Variants in ZDBF2 observed in about 807,000 individuals in gnomAD.
ZDBF2 encodes zinc finger DBF-type containing 2.
ZDBF2 carries 6 observed loss-of-function variants against 9.4 expected under a neutral mutation model. That is an observed-to-expected ratio of 0.64 (90% CI 0.35 to 1.27). The LOEUF is 1.27. Among genes scored for constraint, ZDBF2 ranks in the 50% most tolerant of loss-of-function variants. ZDBF2 has a pLI of 0.03. For synonymous variants in ZDBF2, 905 were observed against 946.3 expected, an observed-to-expected ratio of 0.96 and a Z score of 0.80; for missense variants, 2,697 against 2,766.8, an observed-to-expected ratio of 0.97 and a Z score of 0.57.
intron 4 of ZDBF2, among the ~76,000 whole-genome samples, chr2:206,297,901 G>C (rs1692281312): frequency 6.6e-6 from 1 of 152,066 alleles, no homozygotes; most frequent in Non-Finnish European, 1.5e-5. Flanking sequence ...GGCTGGTCTC[G>C]AATTCCCGAC....
intron 2 of ZDBF2, 123 bp from the exon 3 acceptor site, chr2:206,281,678 G>A: frequency 1.7e-6 from 1 of 587,462 alleles, no homozygotes; most frequent in Non-Finnish European, 3.0e-6. Context: ...AGTGGCTCAT[G>A]GCAGCCTTGT....
chr2:206,303,035 A>T (rs1692583227), intron 4 of ZDBF2, among the ~76,000 whole-genome samples: 1 of 152,124 alleles, frequency 6.6e-6, no homozygotes, highest in Non-Finnish European at 1.5e-5. Flanking sequence ...TATATTTGTT[A>T]TAAGTAATGA....
intron 3 of ZDBF2, among the ~76,000 whole-genome samples, chr2:206,289,358 A>G (rs1009926975): frequency 6.6e-6 from 1 of 152,092 alleles, no homozygotes; most frequent in African/African-American, 2.4e-5. Context: ...TGCTACTTCA[A>G]CCTAGGCACT....
At chr2:206,277,729 C>CAAAAAAAAAA (rs5838017) in intron 1 of ZDBF2, among the ~76,000 whole-genome samples, 1 of 104,964 alleles carries the variant, frequency 9.5e-6, no homozygotes, top group African/African-American at 3.7e-5. Context: ...CTAATCTGTC[C>CAAAAAAAAAA]AAAAAAAAAA....
intron 4 of ZDBF2, 21 bp from the exon 5 acceptor site, chr2:206,304,696 G>A (rs200556289): frequency 5.4e-5 from 85 of 1,580,184 alleles, no homozygotes; most frequent in Non-Finnish European, 6.9e-5. Flanking sequence ...ATGTTTATGA[G>A]TTTCCCCCCT....
At chr2:206,301,818 G>T (rs1692514484) in intron 4 of ZDBF2, among the ~76,000 whole-genome samples, 1 of 151,416 alleles carries the variant, frequency 6.6e-6, no homozygotes, top group Non-Finnish European at 1.5e-5. Context: ...CTTTTTATGG[G>T]GGCAATTTGG....
intron 2 of ZDBF2, among the ~76,000 whole-genome samples, chr2:206,280,959 T>G (rs1238211132): frequency 6.6e-6 from 1 of 152,178 alleles, no homozygotes; most frequent in African/African-American, 2.4e-5. Context: ...CTGCATTAAA[T>G]TTTTTACTTA....
At position 206,309,692 on chromosome 2, in the gene ZDBF2, C is replaced by T; in HGVS notation, c.5164C>T (p.Arg1722Ter). The T allele has an allele frequency of 1.2e-6, 2 of 1,613,724 alleles. No individual in the cohort carries two copies. The highest frequency in any genetic ancestry group is 1.1e-5 in the South Asian group (1 of 91,064). The stretch of plus-strand genomic sequence containing the variant: ...TGCCTCTTCCAAGTCAGCGCTCCAT[C>T]GAAGGGCTGATAAAAAAAAACGTTC... ...FGASSKSALH[R>*]RADKKKRSKL... The change falls in exon 5 of 5, where the codon CGA becomes TGA. Residue 1722 changes from arginine to a stop codon, truncating the protein, a stop_gained. Coordinates refer to ENST00000374423, the MANE Select transcript of ZDBF2 (RefSeq NM_020923.3). LOFTEE classifies it low-confidence loss of function (END_TRUNC).
rs1189754953 is a variant in ZDBF2 at position 206,311,076 on chromosome 2, CTAG to C, written c.6554_6556del (p.Ser2185del). On this transcript the variant is annotated inframe_deletion, in exon 5 of 5. Coordinates refer to ENST00000374423, the MANE Select transcript of ZDBF2 (RefSeq NM_020923.3). Reference sequence around the variant, plus strand: ...AAAATTCATGGAAAGAGGGTGACAACTAGTAGTAATAAGCTAGGTTTTCCCAAA... The same window carrying C: ...AAAATTCATGGAAAGAGGGTGACAACTAGTAATAAGCTAGGTTTTCCCAAA... 4 of 1,612,764 alleles carry C rather than the reference CTAG, an allele frequency of 2.5e-6. No individual in the cohort carries two copies. Among genetic ancestry groups the C allele is most frequent in the Non-Finnish European group, 3.4e-6 (4 of 1,179,682 alleles).
Position 206,307,614 on chromosome 2 carries a change from T to C in ZDBF2, c.3086T>C (p.Leu1029Pro). 2.5e-6 allele frequency: 4 copies of C among 1,612,416 alleles called. No individual in the cohort carries two copies. The highest frequency in any genetic ancestry group is 3.4e-6 in the Non-Finnish European group (4 of 1,179,320). ...NKINRKKQYVLENKNDKCSGS... is the reference protein window; with the variant it reads ...NKINRKKQYVPENKNDKCSGS... ...ATAAACAGAAAGAAGCAATATGTTCTAGAAAACAAGAATGATAAATGTAGT... is the reference window on the plus strand; with the variant it reads ...ATAAACAGAAAGAAGCAATATGTTCCAGAAAACAAGAATGATAAATGTAGT... The change falls in exon 5 of 5, where the codon CTA (leucine) becomes CCA (proline). Residue 1029 changes from leucine to proline, a missense_variant. By Grantham distance (98) the Leu-to-Pro change is moderately conservative. This residue lies in a region of ZDBF2 where 1,783 missense variants were observed against 1,776.5 expected (regional missense o/e 1.00). Coordinates refer to ENST00000374423, the MANE Select transcript of ZDBF2 (RefSeq NM_020923.3).
intron 3 of ZDBF2, among the ~76,000 whole-genome samples, chr2:206,286,697 T>G (rs147184667): frequency 1.3e-5 from 2 of 152,220 alleles, no homozygotes; most frequent in African/African-American, 2.4e-5. Flanking sequence ...TTCCCAGCCA[T>G]CTATATGTGT....
chr2:206,292,916 A>G (rs987948956), intron 3 of ZDBF2, among the ~76,000 whole-genome samples: 2 of 152,134 alleles, frequency 1.3e-5, no homozygotes, highest in African/African-American at 2.4e-5. Flanking sequence ...TATTTATCCA[A>G]TGTAATTTCA....
intron 2 of ZDBF2, among the ~76,000 whole-genome samples, chr2:206,280,062 C>G (rs575828831): frequency 6.6e-6 from 1 of 152,342 alleles, no homozygotes; most frequent in Non-Finnish European, 1.5e-5. Flanking sequence ...GCCTCGGCCT[C>G]CCAAAGTGCT....
In ZDBF2 at chr2:206,310,835, G is replaced by T; in HGVS notation, c.6307G>T (p.Ala2103Ser). 6.2e-7 allele frequency: 1 copy of T among 1,613,920 alleles called. No individual in the cohort carries two copies. The highest frequency in any genetic ancestry group is 8.5e-7 in the Non-Finnish European group (1 of 1,179,882). The change falls in exon 5 of 5, where the codon GCT (alanine) becomes TCT (serine). Residue 2103 changes from alanine (A) to serine (S), a missense_variant. By Grantham distance (99) the Ala-to-Ser change is moderately conservative. Coordinates refer to ENST00000374423, the MANE Select transcript of ZDBF2 (RefSeq NM_020923.3). ...TAATGATGCTGATGGACAAGGCTCT[G>T]CTTCAGCGCCTTTAATGGCAGTGCC... ...GDNDADGQGS[A>S]SAPLMAVPAR...
Position 206,288,443 on chromosome 2 carries a change from A to G in ZDBF2, c.60+6534A>G, listed in dbSNP as rs182807489. Among the ~76,000 whole-genome samples, 426 of 152,250 alleles carry G rather than the reference A, an allele frequency of 2.8e-3. 2 individuals carry two copies. The highest frequency in any genetic ancestry group is 5.1e-3 in the Non-Finnish European group (348 of 68,020). On this transcript the variant is annotated intron_variant, in intron 3 of 4. Transcript: ENST00000374423. ...TTGATGTCAAGGGCTTCTGGGATCC[A>G]CCTGTTCTTGTTTTCATTACGATGG...
rs1277797960 is a variant in ZDBF2, at chr2:206,281,806, G to A, written c.-44G>A. 7 of 1,576,814 alleles carry A rather than the reference G, an allele frequency of 4.4e-6. No individual in the cohort carries two copies. The East Asian group carries it at 9.0e-5, about 20-fold the overall frequency. ...TTTTTCTTTTTGTTTTTCAGCTTGAGTATTCAAAGACAGTAGCCATCTGAC... is the reference window on the plus strand; with the variant it reads ...TTTTTCTTTTTGTTTTTCAGCTTGAATATTCAAAGACAGTAGCCATCTGAC... On this transcript the variant is annotated 5_prime_UTR_variant, in exon 3 of 5. Coordinates refer to ENST00000374423, the MANE Select transcript of ZDBF2 (RefSeq NM_020923.3).
intron 3 of ZDBF2, among the ~76,000 whole-genome samples, chr2:206,285,326 G>A (rs1265602143): frequency 1.3e-5 from 2 of 152,152 alleles, no homozygotes; most frequent in East Asian, 1.9e-4. Context: ...TTGTCTTTTC[G>A]ATAATAGCTA....
chr2:206,283,468 C>G (rs375749762), intron 3 of ZDBF2, among the ~76,000 whole-genome samples: 42 of 152,098 alleles, frequency 2.8e-4, no homozygotes, highest in African/African-American at 9.9e-4. Flanking sequence ...TTGCATTTCC[C>G]TAATGACATA....
rs1574429474 is a variant in ZDBF2, at chr2:206,312,757, G to A, written c.*1164G>A. 1 of 152,028 alleles carries A rather than the reference G, an allele frequency of 6.6e-6. No homozygotes were observed. Among genetic ancestry groups the A allele is most frequent in the South Asian group, 2.1e-4 (1 of 4,814 alleles). The allele number at this position is 152,028 out of a possible 1,614,324, so 9.4% of individuals were successfully genotyped here. Reference sequence around the variant, plus strand: ...TAACTTGAACTGAAATTATTGGCTTGGTAATATTTGGGCAGGCCATTAATT... The same window carrying A: ...TAACTTGAACTGAAATTATTGGCTTAGTAATATTTGGGCAGGCCATTAATT... On this transcript the variant is annotated 3_prime_UTR_variant, in exon 5 of 5. Transcript: ENST00000374423.
Sources: allele counts gnomAD v4.1 joint callset (sites outside exome capture counted in the v4.1 genomes callset), GRCh38; gene constraint gnomAD v4.1.1; regional missense constraint gnomAD v4.1.1; transcripts MANE v1.5; gene names NCBI Gene and HGNC (gene_info 2026-07-23, HGNC 2026-07-21).